ACSS3: variants seen among roughly 807,000 people sequenced by gnomAD.
ACSS3 encodes the protein acyl-CoA synthetase short chain family member 3.
In ACSS3, 64 loss-of-function variants were observed where a neutral mutation model predicts 84.2. That is an observed-to-expected ratio of 0.76 (90% CI 0.62 to 0.94). ACSS3 has a LOEUF of 0.94. Ranked by LOEUF, ACSS3 falls within the 40% of genes least tolerant of loss-of-function variation. The pLI, the probability that ACSS3 is intolerant of heterozygous loss-of-function variation, is 0.00. For synonymous variants in ACSS3, 317 were observed against 310.1 expected (o/e 1.02, Z -0.23); for missense variants, 815 against 867.6 (o/e 0.94, Z 0.76).
rs533214481 is a variant in ACSS3, at chr12:81,235,278, AT to A, written c.1719+1808del. On this transcript the variant is annotated intron_variant, in intron 13 of 15. Transcript: ENST00000548058. The stretch of plus-strand genomic sequence containing the variant: ...GAATATCTTTCTATTTCATTGATCT[AT>A]GTTTTTTTTATGATGATCATGGAAA... Among the ~76,000 whole-genome samples the A allele has an allele frequency of 3.9e-3, 589 of 151,122 alleles. 1 individual carries two copies. Among genetic ancestry groups the A allele is most frequent in the Middle Eastern group, 0.01 (3 of 294 alleles).
At chr12:81,235,749 TA>T (rs2033611983) in intron 13 of ACSS3, among the ~76,000 whole-genome samples, 1 of 151,478 alleles carries the variant, frequency 6.6e-6, no homozygotes, top group South Asian at 2.1e-4. Flanking sequence ...ATACATTTTT[TA>T]AAAACTTTGG....
intron 8 of ACSS3, among the ~76,000 whole-genome samples, chr12:81,179,598 A>G (rs2030772754): frequency 6.6e-6 from 1 of 151,778 alleles, no homozygotes; most frequent in Non-Finnish European, 1.5e-5. Context: ...GTGAAACCCC[A>G]TCTCTACTGA....
chr12:81,189,251 A>G (rs1345310682), intron 8 of ACSS3, among the ~76,000 whole-genome samples: 1 of 152,204 alleles, frequency 6.6e-6, no homozygotes, highest in Non-Finnish European at 1.5e-5. Context: ...TAACTAAGGT[A>G]TAATGGTTAC....
chr12:81,094,942 GCT>G (rs1476055751), intron 1 of ACSS3, among the ~76,000 whole-genome samples: 2 of 152,028 alleles, frequency 1.3e-5, no homozygotes, highest in Non-Finnish European at 2.9e-5. Context: ...TGCTGCTGCT[GCT>G]CTTTCTCTTT....
At chr12:81,100,646 C>T (rs966844262) in intron 1 of ACSS3, among the ~76,000 whole-genome samples, 2 of 152,188 alleles carry the variant, frequency 1.3e-5, no homozygotes, top group Non-Finnish European at 1.5e-5. Context: ...AAATAACCCC[C>T]AAATCTTCCT....
chr12:81,194,117 G>A (rs1250553809), intron 8 of ACSS3, among the ~76,000 whole-genome samples: 1 of 151,386 alleles, frequency 6.6e-6, no homozygotes, highest in Non-Finnish European at 1.5e-5. Context: ...ACAATAGGAA[G>A]ATACCTGATG....
chr12:81,238,725 T>C (rs888843673), intron 13 of ACSS3, among the ~76,000 whole-genome samples: 1 of 151,790 alleles, frequency 6.6e-6, no homozygotes, highest in Non-Finnish European at 1.5e-5. Context: ...CTTTCATTTC[T>C]GGTTTTAGTA....
intron 13 of ACSS3, among the ~76,000 whole-genome samples, chr12:81,245,104 G>T (rs2033939677): frequency 3.3e-5 from 5 of 152,128 alleles, no homozygotes; most frequent in Admixed American, 3.3e-4. Context: ...AATCTTAGTT[G>T]TTTCATGAAC....
chr12:81,212,710 AGTT>A (rs1305768891), intron 9 of ACSS3, among the ~76,000 whole-genome samples: 1 of 152,180 alleles, frequency 6.6e-6, no homozygotes, highest in Non-Finnish European at 1.5e-5. Context: ...ATATGTATCT[AGTT>A]GTCTTCCCTG....
At chr12:81,177,535 A>C (rs2030580492) in intron 8 of ACSS3, among the ~76,000 whole-genome samples, 1 of 152,148 alleles carries the variant, frequency 6.6e-6, no homozygotes, top group Non-Finnish European at 1.5e-5. Context: ...CAACCCACAA[A>C]ATGGGAGAAA....
intron 9 of ACSS3, among the ~76,000 whole-genome samples, chr12:81,206,448 GT>G (rs2032351000): frequency 6.6e-6 from 1 of 151,908 alleles, no homozygotes; most frequent in Non-Finnish European, 1.5e-5. Context: ...ATACATCTTT[GT>G]TTTTCACAAT....
chr12:81,241,819 G>A (rs1223635171), intron 13 of ACSS3, among the ~76,000 whole-genome samples: 1 of 152,024 alleles, frequency 6.6e-6, no homozygotes, highest in African/African-American at 2.4e-5. Flanking sequence ...TTCTTTTGCT[G>A]TGCAGAAGCT....
At chr12:81,078,852 A>G (rs1307348144) in intron 1 of ACSS3, among the ~76,000 whole-genome samples, 1 of 152,172 alleles carries the variant, frequency 6.6e-6, no homozygotes. Flanking sequence ...AAAAGACTTC[A>G]ATAAAATCGC....
chr12:81,139,871 G>A (rs1370364742), intron 4 of ACSS3, among the ~76,000 whole-genome samples: 5 of 151,824 alleles, frequency 3.3e-5, no homozygotes, highest in East Asian at 3.9e-4. Flanking sequence ...TCCTGACCTC[G>A]TGATCCGCCT....
At chr12:81,126,261 A>G (rs932510568) in intron 2 of ACSS3, among the ~76,000 whole-genome samples, 16 of 152,232 alleles carry the variant, frequency 1.1e-4, no homozygotes, top group Non-Finnish European at 1.9e-4. Context: ...AAAGCAGGAG[A>G]AAGTTACAAT....
rs75197817 is a variant in ACSS3 at position 81,168,353 on chromosome 12, C to T, written c.1099-6435C>T. ...TACTTCGACAATTTTTGTTTATAGA[C>T]GCTTATTAGAATCCCATAGAAGCTA... On this transcript the variant is annotated intron_variant, in intron 7 of 15. Transcript: ENST00000548058. 3.7e-4 allele frequency among the ~76,000 whole-genome samples: 56 copies of T among 152,184 alleles called. No homozygotes were observed. The East Asian group carries it at 0.01, about 27-fold the overall frequency.
At chr12:81,167,059 G>A (rs939113449) in intron 7 of ACSS3, among the ~76,000 whole-genome samples, 1 of 152,334 alleles carries the variant, frequency 6.6e-6, no homozygotes, top group Non-Finnish European at 1.5e-5. Context: ...CTGTATACTA[G>A]GGGTAAATGC....
At chr12:81,233,596 A>G in intron 13 of ACSS3, 125 bp downstream of exon 13, 2 of 1,196,438 alleles carry the variant, frequency 1.7e-6, no homozygotes, top group Non-Finnish European at 2.3e-6. Flanking sequence ...AGGCTAGGTT[A>G]CTCTTACATC....
intron 7 of ACSS3, among the ~76,000 whole-genome samples, chr12:81,173,833 C>G (rs1227107425): frequency 6.6e-6 from 1 of 152,096 alleles, no homozygotes; most frequent in Non-Finnish European, 1.5e-5. Context: ...TTACCCTTCT[C>G]GTAGAAATTA....
Sources: allele counts gnomAD v4.1 joint callset (sites outside exome capture counted in the v4.1 genomes callset), GRCh38; gene constraint gnomAD v4.1.1; transcripts MANE v1.5; gene names NCBI Gene and HGNC (gene_info 2026-07-23, HGNC 2026-07-21).